HCN1: variants seen among roughly 807,000 people sequenced by gnomAD.
HCN1 encodes the protein hyperpolarization activated cyclic nucleotide gated potassium channel 1.
Under a neutral mutation model 78.9 loss-of-function variants are expected in HCN1, and 13 were observed. The observed-to-expected ratio is 0.16, with a 90% CI of 0.11 to 0.26. The LOEUF (loss-of-function observed/expected upper bound fraction) is 0.26, where lower values mean the gene tolerates loss of function less well. HCN1 is among the 10% of genes least tolerant of loss of function. The pLI, the probability that HCN1 is intolerant of heterozygous loss-of-function variation, is 1.00. For missense variants in HCN1, 810 were observed against 1,154.3 expected (o/e 0.70, Z 4.32); for synonymous variants, 552 against 455.5 (o/e 1.21, Z -2.70).
At chr5:45,381,011 T>C (rs1747798177) in intron 4 of HCN1, among the ~76,000 whole-genome samples, 2 of 152,136 alleles carry the variant, frequency 1.3e-5, no homozygotes, top group Admixed American at 1.3e-4. Context: ...GAGTTTTCCA[T>C]TGAAGGAGAG....
chr5:45,394,828 A>G (rs1739655807), intron 4 of HCN1, among the ~76,000 whole-genome samples: 1 of 152,102 alleles, frequency 6.6e-6, no homozygotes. Flanking sequence ...AAAAAGTTAT[A>G]TTCTTTTAAT....
chr5:45,431,140 C>T (rs1042167658), intron 3 of HCN1, among the ~76,000 whole-genome samples: 4 of 152,078 alleles, frequency 2.6e-5, no homozygotes, highest in African/African-American at 4.8e-5. Context: ...CATTCTGAAT[C>T]GTGTGAAATG....
intron 6 of HCN1, among the ~76,000 whole-genome samples, chr5:45,281,576 C>CTTT (rs1745167866): frequency 8.3e-6 from 1 of 120,950 alleles, no homozygotes; most frequent in Non-Finnish European, 1.7e-5. Flanking sequence ...GAGCTCTTCT[C>CTTT]TTCTTTTTTT....
chr5:45,651,633 T>A (rs1474989323), intron 1 of HCN1, among the ~76,000 whole-genome samples: 1 of 152,026 alleles, frequency 6.6e-6, no homozygotes, highest in East Asian at 1.9e-4. Flanking sequence ...GTACATATGT[T>A]TTGAAAACTA....
rs960341940 is a variant in HCN1 at position 45,287,378 on chromosome 5, G to C, written c.1618+16221C>G. On this transcript the variant is annotated intron_variant, in intron 6 of 7. Coordinates refer to ENST00000303230, the MANE Select transcript of HCN1 (RefSeq NM_021072.4). ...TACAAAAATGTTTATGAATAATTTA[G>C]TGTATGATAAATATATGCCTTCCAT... Among the ~76,000 whole-genome samples, 4 of 152,044 alleles carry C rather than the reference G, an allele frequency of 2.6e-5. No individual in the cohort carries two copies. The East Asian group carries it at 7.7e-4, about 29-fold the overall frequency.
intron 2 of HCN1, among the ~76,000 whole-genome samples, chr5:45,493,737 C>A (rs1419820718): frequency 1.3e-5 from 2 of 151,030 alleles, no homozygotes; most frequent in Admixed American, 1.3e-4. Flanking sequence ...TCCCCCAATG[C>A]TATCCCTCCC....
At chr5:45,436,923 A>T (rs961504504) in intron 3 of HCN1, among the ~76,000 whole-genome samples, 1 of 152,234 alleles carries the variant, frequency 6.6e-6, no homozygotes, top group Non-Finnish European at 1.5e-5. Context: ...AACCAGATTA[A>T]ATAATACAGT....
At chr5:45,502,856 G>A (rs539693479) in intron 2 of HCN1, among the ~76,000 whole-genome samples, 15 of 152,212 alleles carry the variant, frequency 9.9e-5, no homozygotes, top group African/African-American at 3.1e-4. Context: ...GAATTTTAAC[G>A]TCCTGCATTG....
intron 1 of HCN1, among the ~76,000 whole-genome samples, chr5:45,672,587 A>C (rs1174785796): frequency 6.6e-6 from 1 of 151,420 alleles, no homozygotes; most frequent in African/African-American, 2.4e-5. Context: ...AAAAAACTAA[A>C]GTAGATTTTG....
intron 2 of HCN1, among the ~76,000 whole-genome samples, chr5:45,520,626 A>G (rs991067987): frequency 6.6e-6 from 1 of 152,066 alleles, no homozygotes; most frequent in Admixed American, 6.6e-5. Context: ...TATGATGCTT[A>G]TTTTATTAAC....
intron 2 of HCN1, among the ~76,000 whole-genome samples, chr5:45,636,050 T>G (rs2112018451): frequency 6.6e-6 from 1 of 152,266 alleles, no homozygotes; most frequent in South Asian, 2.1e-4. Flanking sequence ...ATAAGTATAT[T>G]TAACATTTTC....
At chr5:45,358,498 A>C (rs1747048198) in intron 4 of HCN1, among the ~76,000 whole-genome samples, 1 of 151,812 alleles carries the variant, frequency 6.6e-6, no homozygotes, top group Non-Finnish European at 1.5e-5. Context: ...GGTCAAAGCT[A>C]CTCTCTCTCC....
intron 5 of HCN1, among the ~76,000 whole-genome samples, chr5:45,327,437 C>G (rs887282115): frequency 1.4e-4 from 21 of 151,552 alleles, no homozygotes; most frequent in Non-Finnish European, 2.7e-4. Context: ...AACAAATCAG[C>G]AACAGACACA....
chr5:45,300,444 A>G (rs1257500681), intron 6 of HCN1, among the ~76,000 whole-genome samples: 2 of 152,126 alleles, frequency 1.3e-5, no homozygotes, highest in East Asian at 3.9e-4. Context: ...CTTGATGATG[A>G]TCCATTTATT....
rs142296758 is a variant in HCN1 at position 45,532,421 on chromosome 5, T to C, written c.850-70414A>G. On this transcript the variant is annotated intron_variant, in intron 2 of 7. Coordinates refer to ENST00000303230, the MANE Select transcript of HCN1 (RefSeq NM_021072.4). ...TTTACTATAACTTTAGAAAAGAATG[T>C]GATTTCCAACCTTTAAGCTATTAAA... is the stretch of plus-strand genomic sequence containing the variant. Among the ~76,000 whole-genome samples the C allele has an allele frequency of 5.1e-3, 784 of 152,332 alleles. 10 individuals are homozygous for C. Among genetic ancestry groups the C allele is most frequent in the African/African-American group, 0.017 (698 of 41,584 alleles).
chr5:45,388,503 C>T (rs918746494), intron 4 of HCN1, among the ~76,000 whole-genome samples: 2 of 152,092 alleles, frequency 1.3e-5, no homozygotes, highest in African/African-American at 4.8e-5. Flanking sequence ...GGACCGGTAG[C>T]AGCAGCAGCA....
chr5:45,265,047 G>A (rs2111843541), intron 7 of HCN1, among the ~76,000 whole-genome samples: 1 of 152,140 alleles, frequency 6.6e-6, no homozygotes, highest in South Asian at 2.1e-4. Flanking sequence ...AATATTAGCA[G>A]GGCGTGGCAG....
intron 4 of HCN1, among the ~76,000 whole-genome samples, chr5:45,382,516 C>CAT (rs1438091085): frequency 6.6e-6 from 1 of 152,154 alleles, no homozygotes; most frequent in East Asian, 1.9e-4. Context: ...TATACACACA[C>CAT]AGATATACCT....
intron 2 of HCN1, among the ~76,000 whole-genome samples, chr5:45,523,210 A>G (rs1579947570): frequency 6.6e-6 from 1 of 152,188 alleles, no homozygotes. Flanking sequence ...ATGGCTGCGT[A>G]GTATTCCATA....
Sources: allele counts gnomAD v4.1 joint callset (sites outside exome capture counted in the v4.1 genomes callset), GRCh38; gene constraint gnomAD v4.1.1; transcripts MANE v1.5; gene names NCBI Gene and HGNC (gene_info 2026-07-23, HGNC 2026-07-21).